The following AP3B1 variants were observed in gnomAD, a reference collection of about 807,000 sequenced individuals.
The protein encoded by AP3B1 is adaptor related protein complex 3 subunit beta 1.
AP3B1 carries 61 observed loss-of-function variants against 132.5 expected under a neutral mutation model. The observed-to-expected ratio is 0.46, with a 90% CI of 0.37 to 0.57. The LOEUF is 0.57. Ranked by LOEUF, AP3B1 falls within the 20% of genes least tolerant of loss-of-function variation. The pLI is 0.00. For missense variants in AP3B1, 1,120 were observed against 1,289.4 expected, an observed-to-expected ratio of 0.87 and a Z score of 2.01; for synonymous variants, 388 against 438.3, an observed-to-expected ratio of 0.89 and a Z score of 1.43.
rs1561367799 is a variant in AP3B1, at chr5:78,039,065, T to C, written c.2787A>G (p.Lys929=). 6.3e-7 allele frequency: 1 copy of C among 1,597,060 alleles called. No individual in the cohort carries two copies. The highest frequency in any genetic ancestry group is 8.6e-7 in the Non-Finnish European group (1 of 1,165,542). The part of the protein sequence containing the change: ...IGEKKLPIGM[K]MHVFNPIDSL... ...TACCTATTGGATTAAAAACATGCAT[T>C]TTCATGCCTATAGGAAGTTTTTTTT... Residue 929 remains lysine (K), a synonymous_variant, in exon 23 of 27, where the codon AAA becomes AAG. Coordinates refer to ENST00000255194, the MANE Select transcript of AP3B1 (RefSeq NM_003664.5).
At chr5:78,047,479 T>C in intron 22 of AP3B1, among the ~76,000 whole-genome samples, 1 of 152,248 alleles carries the variant, frequency 6.6e-6, no homozygotes, top group African/African-American at 2.4e-5. Flanking sequence ...TTCATGTTTA[T>C]TGGCCACATA....
intron 24 of AP3B1, among the ~76,000 whole-genome samples, chr5:78,025,861 T>C (rs1747319946): frequency 6.6e-6 from 1 of 152,228 alleles, no homozygotes; most frequent in Non-Finnish European, 1.5e-5. Context: ...AAATCCAATA[T>C]AACCAGTACA....
intron 22 of AP3B1, among the ~76,000 whole-genome samples, chr5:78,070,134 C>T (rs1266479442): frequency 2.6e-5 from 4 of 152,002 alleles, no homozygotes; most frequent in African/African-American, 7.2e-5. Context: ...TGATTGGGCA[C>T]CGTGGCTCAC....
rs183938347 is a variant in AP3B1 at position 78,116,103 on chromosome 5, T to C, written c.2077+23A>G. 274 of 1,495,418 alleles carry C rather than the reference T, an allele frequency of 1.8e-4. 2 individuals carry two copies. In the East Asian group the frequency reaches 5.8e-3, roughly 32 times the overall value. The allele number at this position is 1,495,418 out of a possible 1,614,324, so 92.6% of individuals were successfully genotyped here. A position where few individuals can be genotyped will look rare whatever the true frequency, so the allele number is the denominator to read the frequency against. On this transcript the variant is annotated intron_variant, in intron 18 of 26. Coordinates refer to ENST00000255194, the MANE Select transcript of AP3B1 (RefSeq NM_003664.5). ...TGTAATCTACTATGTAAATAATATA[T>C]GCCAATAAATTATAAAACCCACCAC...
chr5:78,066,576 AGAC>A (rs1461694383), intron 22 of AP3B1, among the ~76,000 whole-genome samples: 1 of 152,242 alleles, frequency 6.6e-6, no homozygotes, highest in Non-Finnish European at 1.5e-5. Flanking sequence ...CTGAGCTTGA[AGAC>A]TATCTTGCTG....
intron 1 of AP3B1, among the ~76,000 whole-genome samples, chr5:78,285,016 G>C (rs1749210369): frequency 6.6e-6 from 1 of 152,164 alleles, no homozygotes; most frequent in Non-Finnish European, 1.5e-5. Flanking sequence ...GGGAGGCCGA[G>C]GTGGGCAGAT....
At chr5:78,039,423 C>T (rs2112100958) in intron 22 of AP3B1, 149 bp from the exon 23 acceptor site, 1 of 689,632 alleles carries the variant, frequency 1.5e-6, no homozygotes, top group Non-Finnish European at 2.5e-6. Context: ...ATATCACACA[C>T]ATAGATATTA....
chr5:78,245,555 C>T (rs1264085954), intron 2 of AP3B1, among the ~76,000 whole-genome samples: 1 of 152,158 alleles, frequency 6.6e-6, no homozygotes, highest in Non-Finnish European at 1.5e-5. Context: ...TACAGACACC[C>T]CACAAGCCCT....
chr5:78,135,581 T>C (rs1346470442), intron 15 of AP3B1, among the ~76,000 whole-genome samples: 1 of 152,150 alleles, frequency 6.6e-6, no homozygotes, highest in Non-Finnish European at 1.5e-5. Context: ...CAAATGTGAA[T>C]ATCAACTTAA....
At chr5:78,043,605 G>T in intron 22 of AP3B1, 1 of 483,684 alleles carries the variant, frequency 2.1e-6, no homozygotes, top group Non-Finnish European at 4.2e-6. Context: ...TTAAGGTGGA[G>T]GGTCACTTTG....
chr5:78,239,197 A>G (rs189799812), intron 3 of AP3B1, among the ~76,000 whole-genome samples: 7 of 152,264 alleles, frequency 4.6e-5, no homozygotes, highest in Admixed American at 4.6e-4. Flanking sequence ...CAGCCCAGGC[A>G]CGATGGCTCA....
At chr5:78,212,201 A>T (rs1334642712) in intron 7 of AP3B1, among the ~76,000 whole-genome samples, 1 of 152,110 alleles carries the variant, frequency 6.6e-6, no homozygotes, top group East Asian at 1.9e-4. Flanking sequence ...AATCGCTTCA[A>T]CCCAGGAGGC....
chr5:78,230,754 C>T (rs1746612435), intron 3 of AP3B1, among the ~76,000 whole-genome samples: 1 of 152,162 alleles, frequency 6.6e-6, no homozygotes, highest in Non-Finnish European at 1.5e-5. Context: ...AAACAAATGA[C>T]AGTTCCTCCA....
chr5:78,151,075 C>T (rs1364108330), intron 14 of AP3B1, among the ~76,000 whole-genome samples: 1 of 152,010 alleles, frequency 6.6e-6, no homozygotes, highest in African/African-American at 2.4e-5. Context: ...CACACCACCA[C>T]GCCCAGCTAA....
intron 7 of AP3B1, among the ~76,000 whole-genome samples, chr5:78,193,770 A>ATATATTTTTTTT: frequency 3.0e-4 from 20 of 67,202 alleles, no homozygotes; most frequent in Admixed American, 2.3e-3. Context: ...ATATATATAT[A>ATATATTTTTTTT]TTTTTTTTTT....
At chr5:78,028,657 C>A (rs1376521616) in intron 24 of AP3B1, among the ~76,000 whole-genome samples, 1 of 152,102 alleles carries the variant, frequency 6.6e-6, no homozygotes, top group African/African-American at 2.4e-5. Flanking sequence ...GGCCAGAAGT[C>A]ATTTGAATTT....
intron 8 of AP3B1, among the ~76,000 whole-genome samples, chr5:78,178,922 T>C (rs1198845753): frequency 6.6e-6 from 1 of 152,116 alleles, no homozygotes; most frequent in Non-Finnish European, 1.5e-5. Context: ...TAAAGAACCG[T>C]TTTTAAAAAT....
chr5:78,018,221 T>C (rs1208997426), intron 25 of AP3B1, among the ~76,000 whole-genome samples: 1 of 151,984 alleles, frequency 6.6e-6, no homozygotes, highest in Non-Finnish European at 1.5e-5. Flanking sequence ...TTGAAACTCA[T>C]AGCAATGAAT....
chr5:78,002,438 A>T lies in AP3B1; in HGVS notation c.*464T>A. On this transcript the variant is annotated 3_prime_UTR_variant, in exon 27 of 27. Transcript: ENST00000255194. ...ATTCAAAGAACAAAATCTTGCAGAGACTATGCTTTTGTATTTGGATTTAAA... is the reference window on the plus strand; with the variant it reads ...ATTCAAAGAACAAAATCTTGCAGAGTCTATGCTTTTGTATTTGGATTTAAA... 2.4e-6 allele frequency: 1 copy of T among 410,524 alleles called. No individual in the cohort carries two copies. Among genetic ancestry groups the T allele is most frequent in the Non-Finnish European group, 4.3e-6 (1 of 233,422 alleles). The allele number at this position is 410,524 out of a possible 1,614,324, so 25.4% of individuals were successfully genotyped here.
Sources: gnomAD v4.1 joint callset for allele counts (sites outside exome capture counted in the v4.1 genomes callset) on GRCh38, gnomAD v4.1.1 for gene constraint, MANE v1.5 for transcripts, NCBI Gene and HGNC (gene_info 2026-07-23, HGNC 2026-07-21) for gene names.